CDC42BPA: variants seen among roughly 807,000 people sequenced by gnomAD.
CDC42BPA encodes CDC42 binding protein kinase alpha.
A neutral mutation model predicts 223.5 loss-of-function variants in CDC42BPA; 80 were observed. The ratio of observed to expected loss-of-function variants is 0.36; its 90% CI spans 0.30 to 0.43. CDC42BPA has a LOEUF of 0.43. Ranked by LOEUF, CDC42BPA falls within the 20% of genes least tolerant of loss-of-function variation. CDC42BPA has a pLI of 1.00. For missense variants in CDC42BPA, 1,743 were observed against 2,099.9 expected, an observed-to-expected ratio of 0.83 and a Z score of 3.32; for synonymous variants, 694 against 718.6, an observed-to-expected ratio of 0.97 and a Z score of 0.55.
chr1:227,149,178 A>C (rs1264365457), intron 6 of CDC42BPA, among the ~76,000 whole-genome samples: 1 of 152,206 alleles, frequency 6.6e-6, no homozygotes, highest in Non-Finnish European at 1.5e-5. Context: ...ATCTATCTTG[A>C]CTAATGTGTG....
chr1:227,242,444 T>C (rs537021746), intron 2 of CDC42BPA, among the ~76,000 whole-genome samples: 2 of 152,132 alleles, frequency 1.3e-5, no homozygotes, highest in African/African-American at 4.8e-5. Context: ...ATAAAAGGAA[T>C]AAATATTGGG....
chr1:227,283,636 G>T (rs550435697), intron 1 of CDC42BPA, among the ~76,000 whole-genome samples: 20 of 152,312 alleles, frequency 1.3e-4, no homozygotes, highest in Admixed American at 3.3e-4. Flanking sequence ...GAGGACAGAA[G>T]TACGGAGGGT....
chr1:227,261,544 T>A (rs1255085465), intron 1 of CDC42BPA, among the ~76,000 whole-genome samples: 2 of 144,304 alleles, frequency 1.4e-5, no homozygotes, highest in Non-Finnish European at 2.9e-5. Flanking sequence ...CAAACAACCA[T>A]GAGAGATTTT....
intron 11 of CDC42BPA, among the ~76,000 whole-genome samples, chr1:227,122,398 A>C (rs1688805036): frequency 6.6e-6 from 1 of 152,240 alleles, no homozygotes; most frequent in Non-Finnish European, 1.5e-5. Context: ...TCAGTATTTC[A>C]TAAAATTTCT....
chr1:227,231,806 C>A (rs1357466494), intron 2 of CDC42BPA, among the ~76,000 whole-genome samples: 1 of 152,092 alleles, frequency 6.6e-6, no homozygotes, highest in Non-Finnish European at 1.5e-5. Flanking sequence ...CTGTTCATAT[C>A]CTTTGCCCAC....
chr1:227,311,734 A>G (rs903150964), intron 1 of CDC42BPA, among the ~76,000 whole-genome samples: 1 of 152,180 alleles, frequency 6.6e-6, no homozygotes, highest in African/African-American at 2.4e-5. Flanking sequence ...ATAAAAAAAA[A>G]AAATACCCTA....
At chr1:227,018,839 C>A (rs74140233) in intron 32 of CDC42BPA, among the ~76,000 whole-genome samples, 7,868 of 152,202 alleles carry the variant, frequency 0.052, 679 homozygotes, top group African/African-American at 0.18. Context: ...AAAATACATA[C>A]CATAATTTAA....
intron 5 of CDC42BPA, among the ~76,000 whole-genome samples, chr1:227,175,260 G>A (rs1374789805): frequency 6.6e-6 from 1 of 152,028 alleles, no homozygotes. Context: ...CTTGACAACT[G>A]TAGTGCTGTG....
chr1:227,268,850 T>C (rs1016114458), intron 1 of CDC42BPA, among the ~76,000 whole-genome samples: 11 of 147,144 alleles, frequency 7.5e-5, no homozygotes, highest in Admixed American at 6.2e-4. Context: ...TACGCCTGGC[T>C]AATTTTTGTA....
chr1:227,316,898 TG>T, intron 1 of CDC42BPA, 106 bp downstream of exon 1: 1 of 798,786 alleles, frequency 1.3e-6, no homozygotes. Context: ...GTTTTTTTAT[TG>T]TATTTTTTCT....
At chr1:227,113,864 T>TAAA (rs34320118) in intron 12 of CDC42BPA, among the ~76,000 whole-genome samples, 6 of 112,454 alleles carry the variant, frequency 5.3e-5, no homozygotes, top group Admixed American at 3.5e-4. Flanking sequence ...AATAACAATG[T>TAAA]AAAAAAAAAA....
chr1:227,026,546 A>G (rs1008440533), intron 30 of CDC42BPA, among the ~76,000 whole-genome samples: 4 of 152,246 alleles, frequency 2.6e-5, no homozygotes, highest in Non-Finnish European at 5.9e-5. Flanking sequence ...GTCCCTGTTA[A>G]GAATGTATAA....
intron 21 of CDC42BPA, among the ~76,000 whole-genome samples, chr1:227,060,035 T>TTTTTG (rs1675515853): frequency 7.0e-6 from 1 of 142,724 alleles, no homozygotes; most frequent in East Asian, 2.0e-4. Context: ...TTTTTGTTTT[T>TTTTTG]TTTTTTTTTT....
chr1:227,176,001 A>G (rs1464543974), intron 5 of CDC42BPA, among the ~76,000 whole-genome samples: 1 of 152,128 alleles, frequency 6.6e-6, no homozygotes, highest in Admixed American at 6.6e-5. Flanking sequence ...ATACTGACAT[A>G]AAGTGCAGTG....
rs1478563382 is a variant in CDC42BPA, at chr1:227,030,356, A to AT, written c.3838+51dup. ...GTAGAATTTAGAATCTACAGTTTAA[A>AT]TTTTTTTAACACGATTTAAAATTAC... On this transcript the variant is annotated intron_variant, in intron 29 of 36. Coordinates refer to ENST00000366766, the MANE Select transcript of CDC42BPA (RefSeq NM_001394014.1). 3.8e-5 allele frequency: 41 copies of AT among 1,072,262 alleles called. No homozygotes were observed. In the Admixed American group the frequency reaches 5.2e-4, roughly 14 times the overall value. 66.4% of individuals were successfully genotyped at this position (1,072,262 alleles called of 1,614,324 possible). A position where few individuals can be genotyped will look rare whatever the true frequency, so the allele number is the denominator to read the frequency against.
intron 4 of CDC42BPA, among the ~76,000 whole-genome samples, chr1:227,197,260 C>T (rs1053843719): frequency 2.0e-5 from 3 of 151,832 alleles, no homozygotes; most frequent in African/African-American, 4.8e-5. Flanking sequence ...TTAGCTTTGT[C>T]GACATTTTTT....
At position 227,213,128 on chromosome 1, in the gene CDC42BPA, ACT is replaced by A. The variant is rs781668601; in HGVS notation, c.354+6_354+7del. 8 of 1,346,080 alleles carry A rather than the reference ACT, an allele frequency of 5.9e-6. No individual in the cohort carries two copies. The South Asian group carries it at 6.4e-5, about 11-fold the overall frequency. The allele number at this position is 1,346,080 out of a possible 1,614,324, so 83.4% of individuals were successfully genotyped here. A position where few individuals can be genotyped will look rare whatever the true frequency, so the allele number is the denominator to read the frequency against. ...ATATTTATATATTCCAATACATAAG[ACT>A]CTTACCTCAGCTCTTTTCAGCATTT... On this transcript the variant is annotated splice_donor_region_variant and intron_variant, in intron 3 of 36. Transcript: ENST00000366766.
At chr1:227,187,975 T>A (rs1669105350) in intron 5 of CDC42BPA, among the ~76,000 whole-genome samples, 1 of 151,926 alleles carries the variant, frequency 6.6e-6, no homozygotes, top group Non-Finnish European at 1.5e-5. Context: ...ACTGAGGGGA[T>A]TTGTTGCCAG....
chr1:227,115,353 T>G (rs1211554341), intron 12 of CDC42BPA, among the ~76,000 whole-genome samples: 1 of 152,094 alleles, frequency 6.6e-6, no homozygotes, highest in Non-Finnish European at 1.5e-5. Flanking sequence ...ATGATAAAAT[T>G]CAATACACTA....
Sources: allele counts gnomAD v4.1 joint callset (sites outside exome capture counted in the v4.1 genomes callset), GRCh38; gene constraint gnomAD v4.1.1; transcripts MANE v1.5; gene names NCBI Gene and HGNC (gene_info 2026-07-23, HGNC 2026-07-21).